ZNF365: variants seen among roughly 807,000 people sequenced by gnomAD.
ZNF365 encodes protein ZNF365.
In ZNF365, 22 loss-of-function variants were observed where a neutral mutation model predicts 35.0. That is an observed-to-expected ratio of 0.63 (90% CI 0.45 to 0.90). The LOEUF (loss-of-function observed/expected upper bound fraction) is 0.90. Among genes scored for constraint, ZNF365 ranks in the 40% least tolerant of loss-of-function variants. ZNF365 has a pLI of 0.00. For synonymous variants in ZNF365, 188 were observed against 196.2 expected (o/e 0.96, Z 0.35); for missense variants, 448 against 500.3 (o/e 0.90, Z 1.00).
At chr10:62,415,123 T>C (rs779415599) in intron 3 of ZNF365, among the ~76,000 whole-genome samples, 2 of 152,200 alleles carry the variant, frequency 1.3e-5, no homozygotes, top group Non-Finnish European at 2.9e-5. Flanking sequence ...AAGTCTTTGC[T>C]AATTCCAATA....
At chr10:62,379,529 T>C (rs567315548) in intron 2 of ZNF365, among the ~76,000 whole-genome samples, 2 of 152,270 alleles carry the variant, frequency 1.3e-5, no homozygotes, top group South Asian at 4.1e-4. Flanking sequence ...ACTCTTTCTG[T>C]ACATAAAGTG....
chr10:62,469,232 T>G (rs539196324), intron 4 of ZNF365, among the ~76,000 whole-genome samples: 2 of 152,318 alleles, frequency 1.3e-5, no homozygotes, highest in South Asian at 4.1e-4. Context: ...CTAGGAAAGC[T>G]TCACCAGAGT....
chr10:62,418,982 T>G (rs1393942843), intron 3 of ZNF365, among the ~76,000 whole-genome samples: 1 of 151,904 alleles, frequency 6.6e-6, no homozygotes, highest in Non-Finnish European at 1.5e-5. Context: ...GCCAACAATC[T>G]TACTAATATT....
Position 62,377,736 on chromosome 10 carries a change from G to T in ZNF365, c.743+800G>T, listed in dbSNP as rs546968809. On this transcript the variant is annotated intron_variant, in intron 2 of 4. Coordinates refer to ENST00000395254, the MANE Select transcript of ZNF365 (RefSeq NM_014951.3). ...CAAACTAGAAAAGTGTACATTACAA[G>T]TCAGTGTATTTCCCAAATGCAGAAT... is the stretch of plus-strand genomic sequence containing the variant. Among the ~76,000 whole-genome samples, 4 of 152,288 alleles carry T rather than the reference G, an allele frequency of 2.6e-5. No individual in the cohort carries two copies. The East Asian group carries it at 7.7e-4, about 29-fold the overall frequency.
At chr10:62,404,430 C>T (rs370904168), downstream of ZNF365, among the ~76,000 whole-genome samples, 4 of 152,328 alleles carry the variant, frequency 2.6e-5, no homozygotes, top group African/African-American at 7.2e-5. Flanking sequence ...CTAAGCACAA[C>T]GGAATAGGTC....
At chr10:62,472,823 T>C (rs1472232423) in intron 4 of ZNF365, among the ~76,000 whole-genome samples, 1 of 152,222 alleles carries the variant, frequency 6.6e-6, no homozygotes, top group Non-Finnish European at 1.5e-5. Context: ...TTTTGAACTT[T>C]AGTCTTTCCT....
intron 3 of ZNF365, among the ~76,000 whole-genome samples, chr10:62,439,442 C>T (rs979748747): frequency 2.0e-5 from 3 of 151,800 alleles, no homozygotes; most frequent in African/African-American, 7.3e-5. Context: ...TTCCCAGATT[C>T]TCTTGCAGCT....
At chr10:62,453,388 G>C (rs1017025637) in intron 3 of ZNF365, among the ~76,000 whole-genome samples, 3 of 152,172 alleles carry the variant, frequency 2.0e-5, no homozygotes, top group Admixed American at 2.0e-4. Context: ...GGCTGTATTT[G>C]TCTTTCTGTT....
chr10:62,456,979 C>T (rs1297604206), intron 3 of ZNF365, among the ~76,000 whole-genome samples: 1 of 152,170 alleles, frequency 6.6e-6, no homozygotes, highest in African/African-American at 2.4e-5. Context: ...GAGCTGCTCA[C>T]ACTTCTGAGC....
At chr10:62,454,778 G>A (rs560672368) in intron 3 of ZNF365, among the ~76,000 whole-genome samples, 75 of 152,310 alleles carry the variant, frequency 4.9e-4, no homozygotes, top group African/African-American at 1.7e-3. Context: ...GCTGGACACA[G>A]GAAGGCAAAG....
chr10:62,431,638 T>C (rs1051212561), intron 3 of ZNF365, among the ~76,000 whole-genome samples: 5 of 152,204 alleles, frequency 3.3e-5, no homozygotes, highest in African/African-American at 1.2e-4. Flanking sequence ...TGAATGTTTA[T>C]GATGAGCCTC....
chr10:62,422,398 G>T (rs1010126462), intron 3 of ZNF365, among the ~76,000 whole-genome samples: 7 of 152,142 alleles, frequency 4.6e-5, no homozygotes, highest in Non-Finnish European at 1.5e-5. Flanking sequence ...TGAGTGTACT[G>T]CTCTGACTCA....
chr10:62,449,655 G>A (rs1033027140), intron 3 of ZNF365, among the ~76,000 whole-genome samples: 3 of 151,924 alleles, frequency 2.0e-5, no homozygotes, highest in Non-Finnish European at 4.4e-5. Flanking sequence ...ATTTTATATA[G>A]GCTCTCATTC....
chr10:62,439,450 G>A (rs1840459961), intron 3 of ZNF365, among the ~76,000 whole-genome samples: 1 of 151,880 alleles, frequency 6.6e-6, no homozygotes, highest in African/African-American at 2.4e-5. Flanking sequence ...TTCTCTTGCA[G>A]CTAGGGATGG....
intron 4 of ZNF365, among the ~76,000 whole-genome samples, chr10:62,478,525 C>T (rs1015228678): frequency 3.4e-4 from 52 of 152,206 alleles, no homozygotes; most frequent in African/African-American, 1.2e-3. Flanking sequence ...TCTCCTCCTG[C>T]TTCAGCTCAA....
chr10:62,427,719 C>T (rs1280096490), intron 3 of ZNF365, among the ~76,000 whole-genome samples: 1 of 152,130 alleles, frequency 6.6e-6, no homozygotes, highest in African/African-American at 2.4e-5. Flanking sequence ...CTAATCACCC[C>T]TTATGTTGCT....
chr10:62,450,413 G>C (rs1840661725), intron 3 of ZNF365, among the ~76,000 whole-genome samples: 1 of 152,166 alleles, frequency 6.6e-6, no homozygotes. Flanking sequence ...GTTACCGTGT[G>C]AACTGAACTG....
At chr10:62,452,633 A>G (rs1840701656) in intron 3 of ZNF365, among the ~76,000 whole-genome samples, 1 of 152,254 alleles carries the variant, frequency 6.6e-6, no homozygotes, top group South Asian at 2.1e-4. Flanking sequence ...AAACCCCAAC[A>G]TCTTATGGAG....
rs1839512723 is a variant in ZNF365 at position 62,385,625 on chromosome 10, T to C, written c.744-2771T>C. ...TGACAGGAAAAAAATATACTGGATA[T>C]TGACAGTAGTTGCTTCTGAGTGGTG... On this transcript the variant is annotated intron_variant, in intron 2 of 4. Transcript: ENST00000395254. Among the ~76,000 whole-genome samples the C allele has an allele frequency of 3.3e-5, 5 of 152,320 alleles. No homozygotes were observed. In the South Asian group the frequency reaches 1.0e-3, roughly 32 times the overall value.
Sources: allele counts gnomAD v4.1 joint callset (sites outside exome capture counted in the v4.1 genomes callset), GRCh38; gene constraint gnomAD v4.1.1; transcripts MANE v1.5; gene names NCBI Gene and HGNC (gene_info 2026-07-23, HGNC 2026-07-21).